SGSM1: variants seen among roughly 807,000 people sequenced by gnomAD.
SGSM1 encodes small G protein signaling modulator 1, also known as RUN and TBC1 domain containing 2.
Under a neutral mutation model 133.8 loss-of-function variants are expected in SGSM1, and 73 were observed. The ratio of observed to expected loss-of-function variants is 0.55; its 90% CI spans 0.45 to 0.66. The LOEUF (loss-of-function observed/expected upper bound fraction) is 0.66. Among genes scored for constraint, SGSM1 ranks in the 30% least tolerant of loss-of-function variants. The pLI is 0.00. For synonymous variants in SGSM1, 563 were observed against 573.0 expected (o/e 0.98, Z 0.25); for missense variants, 1,213 against 1,448.1 (o/e 0.84, Z 2.64).
At chr22:24,855,166 A>T (rs1346026035) in intron 6 of SGSM1, 103 bp downstream of exon 6, 24 of 1,550,716 alleles carry the variant, frequency 1.5e-5, no homozygotes, top group Admixed American at 1.9e-5. Context: ...TGCCCATGGA[A>T]ATGCAGCACT....
chr22:24,909,043 C>CA (rs1933520435), intron 21 of SGSM1, among the ~76,000 whole-genome samples: 1 of 152,190 alleles, frequency 6.6e-6, no homozygotes, highest in African/African-American at 2.4e-5. Flanking sequence ...CTCCTCCTGT[C>CA]ATATCAGCGG....
intron 4 of SGSM1, among the ~76,000 whole-genome samples, chr22:24,849,806 A>G (rs1025069292): frequency 6.6e-6 from 1 of 152,172 alleles, no homozygotes; most frequent in African/African-American, 2.4e-5. Flanking sequence ...AAGGCTTCAG[A>G]TGAGACTCTG....
chr22:24,907,982 A>T (rs977776427), intron 21 of SGSM1, among the ~76,000 whole-genome samples: 2 of 151,818 alleles, frequency 1.3e-5, no homozygotes, highest in Non-Finnish European at 2.9e-5. Context: ...TACTACAAAG[A>T]TACTTAAAAT....
rs1930389650 is a variant in SGSM1 at position 24,850,419 on chromosome 22, G to C, written c.442G>C (p.Val148Leu). Residue 148 changes from valine (V) to leucine (L), a missense_variant, in exon 5 of 25, where the codon GTG (valine) becomes CTG (leucine). By Grantham distance (32) the Val-to-Leu change is conservative. Coordinates refer to ENST00000400358, the MANE Select transcript of SGSM1 (RefSeq NM_001098497.3). ...CCTGGACAAAATTGTGCATTACCTT[G>C]TGGAAAACAGCAGGTGAGAGGGAAA... ...KVLDKIVHYL[V>L]ENSSKYYEKE... 6.2e-7 allele frequency: 1 copy of C among 1,613,810 alleles called. No individual in the cohort carries two copies. Among genetic ancestry groups the C allele is most frequent in the Non-Finnish European group, 8.5e-7 (1 of 1,179,866 alleles).
rs1934231165 is a variant in SGSM1 at position 24,927,110 on chromosome 22, C to T, written c.*2836C>T. On this transcript the variant is annotated 3_prime_UTR_variant, in exon 25 of 25. Coordinates refer to ENST00000400358, the MANE Select transcript of SGSM1 (RefSeq NM_001098497.3). ...TTTACCTCATAATTCTGTGGGTCAG[C>T]ATCCCAGGCTAGGTTCAGCTAGGAG... 1 of 152,158 alleles carries T rather than the reference C, an allele frequency of 6.6e-6. No individual in the cohort carries two copies. The highest frequency in any genetic ancestry group is 2.4e-5 in the African/African-American group (1 of 41,446). The allele number at this position is 152,158 out of a possible 1,614,324, so 9.4% of individuals were successfully genotyped here. A position where few individuals can be genotyped will look rare whatever the true frequency, so the allele number is the denominator to read the frequency against.
intron 20 of SGSM1, among the ~76,000 whole-genome samples, chr22:24,902,747 C>G (rs1416422986): frequency 6.6e-6 from 1 of 151,510 alleles, no homozygotes; most frequent in Non-Finnish European, 1.5e-5. Flanking sequence ...TGAAAGTAAC[C>G]CATGCTTGTT....
At chr22:24,890,777 T>C (rs1008187699) in intron 16 of SGSM1, among the ~76,000 whole-genome samples, 8 of 152,086 alleles carry the variant, frequency 5.3e-5, no homozygotes, top group African/African-American at 1.7e-4. Flanking sequence ...CTTCTGACTT[T>C]GTGATCTGCC....
chr22:24,856,022 C>T (rs1930765757), intron 8 of SGSM1: 1 of 436,546 alleles, frequency 2.3e-6, no homozygotes. Flanking sequence ...TCTATCCATC[C>T]ATCCATCCAT....
chr22:24,812,896 T>A (rs1927829743), intron 2 of SGSM1, among the ~76,000 whole-genome samples: 1 of 152,198 alleles, frequency 6.6e-6, no homozygotes, highest in Non-Finnish European at 1.5e-5. Flanking sequence ...AGTAAAGCAA[T>A]GTCTTTGCTC....
intron 6 of SGSM1, 52 bp downstream of exon 6, chr22:24,855,115 A>G (rs930291383): frequency 6.3e-6 from 10 of 1,584,014 alleles, no homozygotes; most frequent in Non-Finnish European, 6.9e-6. Context: ...CTTGAGTCTG[A>G]GGGGCACCTT....
intron 8 of SGSM1, among the ~76,000 whole-genome samples, chr22:24,857,951 A>G (rs1406952008): frequency 6.6e-6 from 1 of 152,040 alleles, no homozygotes; most frequent in Admixed American, 6.6e-5. Context: ...TTCTTGCAAG[A>G]ATGTCCACTC....
At chr22:24,849,771 C>G (rs1220489391) in intron 4 of SGSM1, among the ~76,000 whole-genome samples, 1 of 152,122 alleles carries the variant, frequency 6.6e-6, no homozygotes, top group Non-Finnish European at 1.5e-5. Flanking sequence ...GGGGAGGGAA[C>G]CCGGAAGAAG....
chr22:24,830,426 T>C (rs1390851491), intron 2 of SGSM1, among the ~76,000 whole-genome samples: 2 of 152,174 alleles, frequency 1.3e-5, no homozygotes, highest in Non-Finnish European at 2.9e-5. Context: ...GATCCACAGC[T>C]GTAAGTGGAC....
At chr22:24,899,724 G>T (rs534326305) in intron 19 of SGSM1, among the ~76,000 whole-genome samples, 2 of 151,726 alleles carry the variant, frequency 1.3e-5, no homozygotes, top group South Asian at 2.1e-4. Flanking sequence ...GGTTTCACCG[G>T]GTTGGCCAGG....
At chr22:24,920,424 C>T (rs1933964385) in intron 24 of SGSM1, among the ~76,000 whole-genome samples, 1 of 152,184 alleles carries the variant, frequency 6.6e-6, no homozygotes, top group Admixed American at 6.5e-5. Flanking sequence ...CAGACAGATG[C>T]GAATTCTGAT....
chr22:24,810,102 T>C (rs2147776573), intron 2 of SGSM1, among the ~76,000 whole-genome samples: 1 of 152,108 alleles, frequency 6.6e-6, no homozygotes, highest in Admixed American at 6.5e-5. Context: ...GCGGAACATG[T>C]GGTCTTATCC....
At chr22:24,837,979 T>G (rs1929566258) in intron 2 of SGSM1, among the ~76,000 whole-genome samples, 1 of 152,256 alleles carries the variant, frequency 6.6e-6, no homozygotes, top group East Asian at 1.9e-4. Flanking sequence ...TCGTGTCCTC[T>G]GTCTCTTGCC....
chr22:24,911,942 C>A (rs1352753272), intron 21 of SGSM1, among the ~76,000 whole-genome samples: 1 of 151,830 alleles, frequency 6.6e-6, no homozygotes, highest in African/African-American at 2.4e-5. Flanking sequence ...GTAGTCCCAG[C>A]TACTTGGGAG....
At chr22:24,866,047 GATGTGAGTGGT>G (rs1227161557) in intron 9 of SGSM1, among the ~76,000 whole-genome samples, 1 of 152,198 alleles carries the variant, frequency 6.6e-6, no homozygotes, top group African/African-American at 2.4e-5. Flanking sequence ...TTCTGAAGGA[GATGTGAGTGGT>G]GCATTTCCAT....
Sources: allele counts gnomAD v4.1 joint callset (sites outside exome capture counted in the v4.1 genomes callset), GRCh38; gene constraint gnomAD v4.1.1; transcripts MANE v1.5; gene names NCBI Gene and HGNC (gene_info 2026-07-23, HGNC 2026-07-21).